Variants in STAG2 observed in about 807,000 individuals in gnomAD.
STAG2 encodes the protein STAG2 cohesin complex component.
In STAG2, 14 loss-of-function variants were observed where a neutral mutation model predicts 108.1. The ratio of observed to expected loss-of-function variants is 0.13; its 90% confidence interval spans 0.09 to 0.20. The LOEUF (loss-of-function observed/expected upper bound fraction) is 0.20, where lower values mean the gene tolerates loss of function less well. Ranked by LOEUF, STAG2 falls within the 10% of genes least tolerant of loss-of-function variation. The pLI is 1.00. For missense variants in STAG2, 440 were observed against 940.9 expected, an observed-to-expected ratio of 0.47 and a Z score of 6.96; for synonymous variants, 307 against 302.7, an observed-to-expected ratio of 1.01 and a Z score of -0.15.
intron 1 of STAG2, among the ~76,000 whole-genome samples, chrX:123,982,951 T>C (rs1327975100): frequency 9.0e-6 from 1 of 111,321 alleles, no homozygotes; most frequent in Non-Finnish European, 1.9e-5. Flanking sequence ...AAGCTCTTGG[T>C]AACTGAAGTT....
intron 1 of STAG2, among the ~76,000 whole-genome samples, chrX:124,002,792 TTTTCTTTC>T (rs370929220): frequency 1.9e-5 from 2 of 106,108 alleles, no homozygotes; most frequent in South Asian, 4.2e-4. Context: ...GCTTGGCAAT[TTTTCTTTC>T]TTTCTTTCTT....
rs1355412832 is a variant in STAG2 at position 124,065,901 on chromosome X, C to T, written c.2051C>T (p.Ala684Val). The T allele has an allele frequency of 8.5e-7, 1 of 1,170,549 alleles. No homozygotes were observed. Among genetic ancestry groups the T allele is most frequent in the South Asian group, 2.0e-5 (1 of 49,911 alleles). Residue 684 changes from alanine (A) to valine (V), a missense_variant, in exon 21 of 35, where the codon GCA (alanine) becomes GTA (valine). By Grantham distance (64) the Ala-to-Val change is moderately conservative. This residue lies in a region of STAG2 where 337 missense variants were observed against 649.3 expected (regional missense o/e 0.52). Coordinates refer to ENST00000371145, the MANE Select transcript of STAG2 (RefSeq NM_001042750.2). ...QEGEEPDEDD[A>V]YQVLSTLKRI... ...GGTGAAGAACCTGATGAAGATGATG[C>T]ATATCAGGTATTGTCAACATTGAAG...
chrX:124,018,333 C>T (rs1404906433), intron 1 of STAG2, among the ~76,000 whole-genome samples: 2 of 112,114 alleles, frequency 1.8e-5, no homozygotes, highest in African/African-American at 6.5e-5. Context: ...TGATACTTTT[C>T]TTTGAGCATT....
chrX:123,968,052 C>T (rs996019614), intron 1 of STAG2, among the ~76,000 whole-genome samples: 1 of 110,259 alleles, frequency 9.1e-6, no homozygotes, highest in Non-Finnish European at 1.9e-5. Flanking sequence ...AGATGCATGC[C>T]ACCATACCCG....
chrX:123,967,445 A>G (rs1358711317), intron 1 of STAG2, among the ~76,000 whole-genome samples: 2 of 107,059 alleles, frequency 1.9e-5, no homozygotes, highest in Non-Finnish European at 3.9e-5. Flanking sequence ...TTGTACTTTT[A>G]GTAGAGACGG....
chrX:124,080,798 C>T (rs1603148335), intron 27 of STAG2, among the ~76,000 whole-genome samples: 2 of 111,850 alleles, frequency 1.8e-5, no homozygotes, highest in East Asian at 2.8e-4. Flanking sequence ...TCCATTTTGA[C>T]GACTATATAA....
At chrX:124,087,890 T>C (rs2059145515) in intron 30 of STAG2, among the ~76,000 whole-genome samples, 1 of 112,317 alleles carries the variant, frequency 8.9e-6, no homozygotes, top group African/African-American at 3.2e-5. Flanking sequence ...TTTTGTCCAG[T>C]AGTATAAAGG....
intron 20 of STAG2, among the ~76,000 whole-genome samples, chrX:124,065,243 T>C (rs1221231854): frequency 8.9e-6 from 1 of 112,320 alleles, no homozygotes; most frequent in Non-Finnish European, 1.9e-5. Context: ...TTAATTACTT[T>C]GTAGAAGAGT....
intron 1 of STAG2, among the ~76,000 whole-genome samples, chrX:124,004,638 T>C (rs760105021): frequency 8.9e-6 from 1 of 112,124 alleles, no homozygotes; most frequent in Non-Finnish European, 1.9e-5. Context: ...CTTTTGGCAA[T>C]TGTGAGTGAT....
At chrX:124,029,333 CAG>C (rs1206957521) in intron 4 of STAG2, among the ~76,000 whole-genome samples, 1 of 104,604 alleles carries the variant, frequency 9.6e-6, no homozygotes, top group African/African-American at 3.5e-5. Context: ...TTGCTCGAGA[CAG>C]AGTTTCGCTC....
chrX:124,055,285 A>G (rs183817638), intron 13 of STAG2, among the ~76,000 whole-genome samples: 1 of 112,475 alleles, frequency 8.9e-6, no homozygotes, highest in Non-Finnish European at 1.9e-5. Context: ...GTGTGCTTCA[A>G]CTATCCAGTA....
At position 123,990,793 on chromosome X, in the gene STAG2, G is replaced by A. The variant is rs1302730871; in HGVS notation, c.-163+28937G>A. 4.5e-5 allele frequency among the ~76,000 whole-genome samples: 5 copies of A among 111,879 alleles called. No individual in the cohort carries two copies. The South Asian group carries it at 1.9e-3, about 42-fold the overall frequency. ...TTTATCACGACATTCCAAACCACCT[G>A]ACCTCCATCTCGCATAACTCTAACT... On this transcript the variant is annotated intron_variant, in intron 1 of 34. Coordinates refer to ENST00000371145, the MANE Select transcript of STAG2 (RefSeq NM_001042750.2).
At chrX:123,998,443 T>C (rs1301292776) in intron 1 of STAG2, among the ~76,000 whole-genome samples, 1 of 107,661 alleles carries the variant, frequency 9.3e-6, no homozygotes, top group Non-Finnish European at 1.9e-5. Flanking sequence ...AGTGCTGGGA[T>C]TACAGGTGTG....
At chrX:124,097,630 G>C in intron 34 of STAG2, 1 of 298,309 alleles carries the variant, frequency 3.4e-6, no homozygotes, top group Non-Finnish European at 6.8e-6. Flanking sequence ...GAGAGTTTGG[G>C]TGACAGACAC....
At chrX:124,024,312 G>A (rs895434829) in intron 3 of STAG2, among the ~76,000 whole-genome samples, 1 of 111,164 alleles carries the variant, frequency 9.0e-6, no homozygotes. Flanking sequence ...GAGAGCTGGT[G>A]TCCTACGAAA....
chrX:124,068,015 A>C (rs968379532), intron 23 of STAG2, among the ~76,000 whole-genome samples: 1 of 107,827 alleles, frequency 9.3e-6, no homozygotes, highest in Non-Finnish European at 1.9e-5. Context: ...CAGCCTGGGC[A>C]ATAGAGTGAG....
intron 1 of STAG2, among the ~76,000 whole-genome samples, chrX:124,019,065 T>TTA (rs1422699943): frequency 1.9e-5 from 2 of 102,601 alleles, no homozygotes; most frequent in East Asian, 6.0e-4. Flanking sequence ...TTTTTTTTTT[T>TTA]TTTTTTTTTA....
At position 124,014,586 on chromosome X, in the gene STAG2, C is replaced by T. The variant is rs768306679; in HGVS notation, c.-162-6781C>T. ...ACGTTGGCCAGGCTGGTCTGGAACT[C>T]CTGGCCTCAAGTGATCTGCCTGTCT... On this transcript the variant is annotated intron_variant, in intron 1 of 34. Transcript: ENST00000371145. Among the ~76,000 whole-genome samples, 5 of 111,542 alleles carry T rather than the reference C, an allele frequency of 4.5e-5. No homozygotes were observed. The South Asian group carries it at 1.5e-3, about 33-fold the overall frequency.
At chrX:124,039,636 CTTTCTT>C (rs1569510331) in intron 6 of STAG2, among the ~76,000 whole-genome samples, 1 of 61,090 alleles carries the variant, frequency 1.6e-5, no homozygotes, top group East Asian at 6.7e-4. Flanking sequence ...GAGTTTCTTT[CTTTCTT>C]TTTTTTTTTT....
Sources: gnomAD v4.1 joint callset for allele counts (sites outside exome capture counted in the v4.1 genomes callset) on GRCh38, gnomAD v4.1.1 for gene constraint, gnomAD v4.1.1 regional missense constraint, MANE v1.5 for transcripts, NCBI Gene and HGNC (gene_info 2026-07-23, HGNC 2026-07-21) for gene names.